STK24: variants seen among roughly 807,000 people sequenced by gnomAD.
The protein encoded by STK24 is serine/threonine kinase 24.
A neutral mutation model predicts 55.6 loss-of-function variants in STK24; 21 were observed. That is an observed-to-expected ratio of 0.38 (90% confidence interval 0.27 to 0.54). The LOEUF (loss-of-function observed/expected upper bound fraction) is 0.54. Among genes scored for constraint, STK24 ranks in the 20% least tolerant of loss-of-function variants. The pLI is 0.79. For missense variants in STK24, 383 were observed against 538.4 expected (o/e 0.71, Z 2.86); for synonymous variants, 200 against 215.2 (o/e 0.93, Z 0.62).
At chr13:98,520,789 C>G (rs1042844616) in intron 1 of STK24, among the ~76,000 whole-genome samples, 1 of 152,258 alleles carries the variant, frequency 6.6e-6, no homozygotes, top group Non-Finnish European at 1.5e-5. Context: ...GCAGGCCTTA[C>G]AGTGCTACAG....
intron 2 of STK24, among the ~76,000 whole-genome samples, chr13:98,509,500 A>C (rs1312669870): frequency 2.0e-5 from 3 of 150,056 alleles, no homozygotes; most frequent in African/African-American, 7.6e-5. Flanking sequence ...ACAAAAAAAA[A>C]AACCAGTTCC....
intron 7 of STK24, among the ~76,000 whole-genome samples, 187 bp from the exon 8 acceptor site, chr13:98,462,084 G>C (rs1893731689): frequency 6.6e-6 from 1 of 151,948 alleles, no homozygotes; most frequent in Admixed American, 6.5e-5. Flanking sequence ...CTCCCTCACA[G>C]AGAAGAGACC....
At chr13:98,488,399 G>A (rs1311881507) in intron 2 of STK24, among the ~76,000 whole-genome samples, 1 of 152,192 alleles carries the variant, frequency 6.6e-6, no homozygotes, top group African/African-American at 2.4e-5. Flanking sequence ...ATACACAAAG[G>A]ATGCTTCAGG....
At chr13:98,544,589 C>G (rs1896983478) in intron 1 of STK24, among the ~76,000 whole-genome samples, 1 of 152,234 alleles carries the variant, frequency 6.6e-6, no homozygotes, top group Admixed American at 6.5e-5. Flanking sequence ...GGCAATGCTC[C>G]CCACCCTCCA....
chr13:98,487,278 A>G (rs375838366), intron 2 of STK24, among the ~76,000 whole-genome samples: 93 of 152,356 alleles, frequency 6.1e-4, no homozygotes, highest in East Asian at 3.3e-3. Context: ...AGAAAAATAA[A>G]CCAGCAGGCT....
chr13:98,452,181 T>G lies in STK24; in HGVS notation c.*992A>C, dbSNP rs1893229634. On this transcript the variant is annotated 3_prime_UTR_variant, in exon 11 of 11. Coordinates refer to ENST00000539966, the MANE Select transcript of STK24 (RefSeq NM_001032296.4). ...AAATAAGCGTGTTATAAAATTTATTTGTGTAAGCATTCAGACATTTTTAGG... is the reference window on the plus strand; with the variant it reads ...AAATAAGCGTGTTATAAAATTTATTGGTGTAAGCATTCAGACATTTTTAGG... The G allele has an allele frequency of 6.6e-6, 1 of 152,184 alleles. No individual in the cohort carries two copies. The highest frequency in any genetic ancestry group is 2.4e-5 in the African/African-American group (1 of 41,454). The allele number at this position is 152,184 out of a possible 1,614,324, so 9.4% of individuals were successfully genotyped here. A position where few individuals can be genotyped will look rare whatever the true frequency, so the allele number is the denominator to read the frequency against.
chr13:98,573,868 T>C (rs1242106087), intron 1 of STK24, among the ~76,000 whole-genome samples: 3 of 152,144 alleles, frequency 2.0e-5, no homozygotes, highest in Non-Finnish European at 1.5e-5. Flanking sequence ...TATAATATCA[T>C]CTACATCTCA....
At chr13:98,458,337 T>C (rs1406499550) in intron 9 of STK24, among the ~76,000 whole-genome samples, 1 of 152,128 alleles carries the variant, frequency 6.6e-6, no homozygotes, top group Non-Finnish European at 1.5e-5. Context: ...CGCCTCCTCT[T>C]CAGGGAAGAA....
At position 98,446,837 on chromosome 13, in the gene STK24, G is replaced by A. The variant is rs769073107; in HGVS notation, c.*6336C>T. On this transcript the variant is annotated 3_prime_UTR_variant, in exon 11 of 11. Coordinates refer to ENST00000539966, the MANE Select transcript of STK24 (RefSeq NM_001032296.4). The stretch of plus-strand genomic sequence containing the variant: ...CGAAAGGTAGACACCCCCTTCCCAC[G>A]CACAGGGCCCTGCAGAAGAGGACCC... The A allele has an allele frequency of 1.8e-5, 29 of 1,613,112 alleles. No homozygotes were observed. Among genetic ancestry groups the A allele is most frequent in the Non-Finnish European group, 2.2e-5 (26 of 1,179,488 alleles).
At chr13:98,492,691 C>T (rs1172490402) in intron 2 of STK24, among the ~76,000 whole-genome samples, 3 of 152,186 alleles carry the variant, frequency 2.0e-5, no homozygotes, top group Non-Finnish European at 4.4e-5. Flanking sequence ...AGGGAGGATC[C>T]ATACCACCAT....
intron 2 of STK24, among the ~76,000 whole-genome samples, chr13:98,499,497 T>TGG (rs1045844615): frequency 1.1e-4 from 16 of 152,200 alleles, no homozygotes; most frequent in African/African-American, 3.6e-4. Flanking sequence ...CACTGAGTCC[T>TGG]GGCTCATCAG....
intron 10 of STK24, chr13:98,456,646 C>G (rs1893471485): frequency 2.3e-6 from 1 of 440,668 alleles, no homozygotes; most frequent in Admixed American, 2.5e-5. Context: ...GGTGGGGCCA[C>G]TGGGCAGGGA....
intron 5 of STK24, among the ~76,000 whole-genome samples, chr13:98,469,871 C>T (rs998907775): frequency 4.6e-5 from 7 of 152,182 alleles, no homozygotes; most frequent in Admixed American, 3.9e-4. Flanking sequence ...ATTTGGCATA[C>T]AAATCGAAAG....
chr13:98,548,861 C>CAAAAAAAA (rs55793722), intron 1 of STK24, among the ~76,000 whole-genome samples: 2 of 37,804 alleles, frequency 5.3e-5, no homozygotes, highest in Admixed American at 5.9e-4. Context: ...GACTCTGTCT[C>CAAAAAAAA]AAAAAAAAAA....
Position 98,453,238 on chromosome 13 carries a change from A to C in STK24, c.1260-29T>G, listed in dbSNP as rs752631925. On this transcript the variant is annotated intron_variant, in intron 10 of 10. Coordinates refer to ENST00000539966, the MANE Select transcript of STK24 (RefSeq NM_001032296.4). The stretch of plus-strand genomic sequence containing the variant: ...GGGAAAAAGAGAGAGAGAGAAGTCA[A>C]CACATGTCATTTCTCATCCCTGTGC... The C allele has an allele frequency of 3.7e-6, 6 of 1,608,980 alleles. 1 individual carries two copies. The highest frequency in any genetic ancestry group is 5.1e-6 in the Non-Finnish European group (6 of 1,177,776).
intron 2 of STK24, among the ~76,000 whole-genome samples, chr13:98,514,172 A>G (rs1159154818): frequency 6.6e-6 from 1 of 152,224 alleles, no homozygotes; most frequent in Non-Finnish European, 1.5e-5. Flanking sequence ...GGTGCATCTG[A>G]AAGTCAATAG....
At chr13:98,558,555 C>T (rs529247130) in intron 1 of STK24, among the ~76,000 whole-genome samples, 7 of 152,300 alleles carry the variant, frequency 4.6e-5, no homozygotes, top group African/African-American at 1.7e-4. Context: ...AAGAAAACTC[C>T]TCCTCCTCCT....
At chr13:98,487,769 C>A (rs1894861977) in intron 2 of STK24, among the ~76,000 whole-genome samples, 1 of 152,050 alleles carries the variant, frequency 6.6e-6, no homozygotes, top group Admixed American at 6.6e-5. Context: ...CTCTGACGGC[C>A]CAGGTGTCAA....
At chr13:98,560,690 C>T (rs1326053382) in intron 1 of STK24, among the ~76,000 whole-genome samples, 1 of 152,048 alleles carries the variant, frequency 6.6e-6, no homozygotes, top group Admixed American at 6.5e-5. Context: ...ACCAGCCTAA[C>T]CAACATGGTG....
Sources: gnomAD v4.1 joint callset for allele counts (sites outside exome capture counted in the v4.1 genomes callset) on GRCh38, gnomAD v4.1.1 for gene constraint, MANE v1.5 for transcripts, NCBI Gene and HGNC (gene_info 2026-07-23, HGNC 2026-07-21) for gene names.